ATP8B2: variants seen among roughly 807,000 people sequenced by gnomAD.
The protein encoded by ATP8B2 is phospholipid-transporting ATPase ID.
Under a neutral mutation model 133.4 loss-of-function variants are expected in ATP8B2, and 70 were observed. The observed-to-expected ratio is 0.52, with a 90% CI of 0.43 to 0.64. The LOEUF (loss-of-function observed/expected upper bound fraction) is 0.64. ATP8B2 is among the 30% of genes least tolerant of loss of function. The probability of loss-of-function intolerance (pLI) is 0.00; values close to 1 mark genes in which losing one functional copy is unlikely to be tolerated. For missense variants in ATP8B2, 1,101 were observed against 1,535.7 expected (o/e 0.72, Z 4.73); for synonymous variants, 517 against 589.5 (o/e 0.88, Z 1.78).
In ATP8B2 at chr1:154,330,386, T is replaced by C. The variant is rs374528384; in HGVS notation, c.32-10T>C. On this transcript the variant is annotated splice_polypyrimidine_tract_variant and intron_variant, in intron 2 of 27. Transcript: ENST00000368489. Reference sequence around the variant, plus strand: ...TTGCTCCTCCTGACTGCAGCATCATTTTGTTGCAGAAGAAGAAAGGAGGGC... The same window carrying C: ...TTGCTCCTCCTGACTGCAGCATCATCTTGTTGCAGAAGAAGAAAGGAGGGC... The C allele has an allele frequency of 1.4e-5, 22 of 1,613,630 alleles. No individual in the cohort carries two copies. Among genetic ancestry groups the C allele is most frequent in the Non-Finnish European group, 1.9e-5 (22 of 1,179,828 alleles).
chr1:154,342,713 A>G, intron 14 of ATP8B2, 83 bp from the exon 15 acceptor site: 3 of 1,529,146 alleles, frequency 2.0e-6, no homozygotes, highest in Middle Eastern at 1.8e-4. Context: ...GCCTACTGAG[A>G]GTTGGGAGGG....
In ATP8B2 at chr1:154,340,211, C is replaced by G. The variant is rs777015989; in HGVS notation, c.1035-643C>G. ...CAAGCAAACAACAACCACCACAATG[C>G]GCTGTGCCATTGTGAAGTGGTGGTG... On this transcript the variant is annotated intron_variant, in intron 12 of 27. Coordinates refer to ENST00000368489, the MANE Select transcript of ATP8B2 (RefSeq NM_001370597.1). This position sits in a 1 kb window ranked among gnomAD's most constrained non-coding sequence, Gnocchi z 4.0. Among the ~76,000 whole-genome samples, 2 of 152,156 alleles carry G rather than the reference C, an allele frequency of 1.3e-5. No homozygotes were observed. Among genetic ancestry groups the G allele is most frequent in the African/African-American group, 2.4e-5 (1 of 41,418 alleles).
chr1:154,342,731 G>T, intron 14 of ATP8B2, 65 bp from the exon 15 acceptor site: 1 of 1,566,390 alleles, frequency 6.4e-7, no homozygotes, highest in Non-Finnish European at 8.7e-7. Context: ...GGGCAGGGAT[G>T]AACCCTTCCC....
rs1387168204 is a variant in ATP8B2, at chr1:154,328,352, G to T, written c.31+180G>T. Among the ~76,000 whole-genome samples the T allele has an allele frequency of 6.6e-6, 1 of 152,146 alleles. No individual in the cohort carries two copies. The highest frequency in any genetic ancestry group is 1.5e-5 in the Non-Finnish European group (1 of 68,016). On this transcript the variant is annotated intron_variant, in intron 2 of 27. Coordinates refer to ENST00000368489, the MANE Select transcript of ATP8B2 (RefSeq NM_001370597.1). The surrounding 1 kb of genome is among the most constrained non-coding windows in gnomAD (Gnocchi z 4.6). ...ATTCTTCCGCTTGATCCCAAAGCTG[G>T]GTTATCTGCCAGGACAGCGCAGAGC...
rs1331536029 is a variant in ATP8B2, at chr1:154,343,358, G to T, written c.1642+57G>T. 6.2e-7 allele frequency: 1 copy of T among 1,606,354 alleles called. No homozygotes were observed. Among genetic ancestry groups the T allele is most frequent in the East Asian group, 2.2e-5 (1 of 44,674 alleles). On this transcript the variant is annotated intron_variant, in intron 16 of 27. Transcript: ENST00000368489. This position sits in a 1 kb window ranked among gnomAD's most constrained non-coding sequence, Gnocchi z 5.8. ...GGGGACAGCATTCAGGCCTGGAATG[G>T]GTGAAGTGTGCCGGGTGACTCTTGA... is the stretch of plus-strand genomic sequence containing the variant.
In ATP8B2 at chr1:154,344,801, C is replaced by G. The variant is rs1244961111; in HGVS notation, c.2286+16C>G. 6.3e-7 allele frequency: 1 copy of G among 1,587,860 alleles called. No homozygotes were observed. Among genetic ancestry groups the G allele is most frequent in the South Asian group, 1.1e-5 (1 of 89,270 alleles). ...TCACAGCCTGGTAGGCATCGCTATC[C>G]TTAGCTTGGGCAGTATCTTTCCAGT... On this transcript the variant is annotated intron_variant, in intron 21 of 27. Transcript: ENST00000368489. This position sits in a 1 kb window ranked among gnomAD's most constrained non-coding sequence, Gnocchi z 4.1.
chr1:154,327,988 A>C, intron 1 of ATP8B2, 117 bp from the exon 2 acceptor site: 2 of 1,499,042 alleles, frequency 1.3e-6, no homozygotes, highest in Admixed American at 3.4e-5. Flanking sequence ...TGGGAGAAGG[A>C]GGCTGGGGGA....
intron 2 of ATP8B2, among the ~76,000 whole-genome samples, chr1:154,329,762 AC>A (rs903762517): frequency 1.6e-4 from 25 of 151,916 alleles, no homozygotes; most frequent in African/African-American, 6.0e-4. Context: ...CACCCCCCAC[AC>A]CTTTTTCTAC....
In ATP8B2 at chr1:154,349,248, T is replaced by A. The variant is rs1686707014; in HGVS notation, c.*130T>A. 8.2e-7 allele frequency: 1 copy of A among 1,217,374 alleles called. No individual in the cohort carries two copies. The highest frequency in any genetic ancestry group is 1.5e-5 in the African/African-American group (1 of 65,694). The allele number at this position is 1,217,374 out of a possible 1,614,324, so 75.4% of individuals were successfully genotyped here. ...GTCCCCCCGGTAGACTCTGTCCTGC[T>A]GGTCCCACCACACATGGCTGGGACA... On this transcript the variant is annotated 3_prime_UTR_variant, in exon 28 of 28. Coordinates refer to ENST00000368489, the MANE Select transcript of ATP8B2 (RefSeq NM_001370597.1).
At position 154,349,300 on chromosome 1, in the gene ATP8B2, C is replaced by T; in HGVS notation, c.*182C>T. On this transcript the variant is annotated 3_prime_UTR_variant, in exon 28 of 28. Coordinates refer to ENST00000368489, the MANE Select transcript of ATP8B2 (RefSeq NM_001370597.1). ...CTGTTCCCAGCTGTAGGCCCTTCCA[C>T]CAGCTGGGGAGCTAGAGGGAGCAGG... 1.1e-6 allele frequency: 1 copy of T among 870,820 alleles called. No homozygotes were observed. Among genetic ancestry groups the T allele is most frequent in the Non-Finnish European group, 1.7e-6 (1 of 583,748 alleles). 53.9% of individuals were successfully genotyped at this position (870,820 alleles called of 1,614,324 possible). A position where few individuals can be genotyped will look rare whatever the true frequency, so the allele number is the denominator to read the frequency against.
chr1:154,338,980 G>A (rs530640933), intron 12 of ATP8B2, among the ~76,000 whole-genome samples: 3 of 152,324 alleles, frequency 2.0e-5, no homozygotes, highest in South Asian at 4.1e-4. Context: ...GGAGGAAGAC[G>A]AGGCAGGAGG....
At chr1:154,348,804 C>G (rs753350488) in intron 27 of ATP8B2, 36 bp from the exon 28 acceptor site, 1 of 1,539,594 alleles carries the variant, frequency 6.5e-7, no homozygotes. Context: ...GACACCTCCA[C>G]GCTGACAGAG....
At chr1:154,335,955 C>T (rs952309466) in intron 11 of ATP8B2, among the ~76,000 whole-genome samples, 5 of 148,504 alleles carry the variant, frequency 3.4e-5, no homozygotes, top group African/African-American at 1.2e-4. Context: ...AGGAAAATGG[C>T]GTGAACCCGG....
chr1:154,338,993 T>G (rs2149168907), intron 12 of ATP8B2, among the ~76,000 whole-genome samples: 1 of 152,308 alleles, frequency 6.6e-6, no homozygotes, highest in Non-Finnish European at 1.5e-5. Context: ...GCAGGAGGAA[T>G]GGCCAGGGGA....
chr1:154,328,164 GC>G lies in ATP8B2; in HGVS notation c.29del (p.Pro10GlnfsTer60). MAVCAKK[R>X]PPEEERRARA... ...GAGATGGCAGTGTGTGCAAAAAAGC[GC>G]CCCCCAGGTAAGACAGGCAAGGAGG... On this transcript the variant is annotated frameshift_variant, in exon 2 of 28. Coordinates refer to ENST00000368489, the MANE Select transcript of ATP8B2 (RefSeq NM_001370597.1). LOFTEE classifies it high-confidence loss of function. This position sits in a 1 kb window ranked among gnomAD's most constrained non-coding sequence, Gnocchi z 4.6. 1.2e-6 allele frequency: 2 copies of G among 1,613,828 alleles called. No homozygotes were observed. Among genetic ancestry groups the G allele is most frequent in the Non-Finnish European group, 1.7e-6 (2 of 1,179,872 alleles).
At chr1:154,336,399 G>T (rs2149166038) in intron 11 of ATP8B2, among the ~76,000 whole-genome samples, 1 of 150,868 alleles carries the variant, frequency 6.6e-6, no homozygotes, top group East Asian at 1.9e-4. Flanking sequence ...AAGAAGAATT[G>T]TCTTGGGCCA....
intron 12 of ATP8B2, among the ~76,000 whole-genome samples, chr1:154,338,358 A>T (rs1570861199): frequency 1.8e-5 from 1 of 56,718 alleles, no homozygotes; most frequent in Admixed American, 2.5e-4. Context: ...TGTATTTACT[A>T]ACCATTAAAA....
intron 2 of ATP8B2, 64 bp from the exon 3 acceptor site, chr1:154,330,332 C>G: frequency 6.9e-7 from 1 of 1,455,894 alleles, no homozygotes; most frequent in Admixed American, 1.8e-5. Context: ...CAGGGAACCC[C>G]CCAGCAAAGT....
chr1:154,336,041 C>CA (rs34783907), intron 11 of ATP8B2, among the ~76,000 whole-genome samples: 23,443 of 96,262 alleles, frequency 0.24, 2,153 homozygotes, highest in African/African-American at 0.28. Flanking sequence ...GGCTCCATCT[C>CA]AAAAAAAAAA....
Sources: allele counts gnomAD v4.1 joint callset (sites outside exome capture counted in the v4.1 genomes callset), GRCh38; gene constraint gnomAD v4.1.1; non-coding constraint Gnocchi (gnomAD v3.1); transcripts MANE v1.5; gene names NCBI Gene and HGNC (gene_info 2026-07-23, HGNC 2026-07-21).